The following ZFHX2 variants were observed in gnomAD, a reference collection of about 807,000 sequenced individuals.
ZFHX2 encodes the protein zinc finger homeobox protein 2.
ZFHX2 carries 75 observed loss-of-function variants against 164.8 expected under a neutral mutation model. The observed-to-expected ratio is 0.46, with a 90% CI of 0.38 to 0.55. The LOEUF (loss-of-function observed/expected upper bound fraction) is 0.55. Among genes scored for constraint, ZFHX2 ranks in the 20% least tolerant of loss-of-function variants. The pLI, the probability that ZFHX2 is intolerant of heterozygous loss-of-function variation, is 0.00. For missense variants in ZFHX2, 2,933 were observed against 3,308.0 expected, an observed-to-expected ratio of 0.89 and a Z score of 2.78; for synonymous variants, 1,217 against 1,351.4, an observed-to-expected ratio of 0.90 and a Z score of 2.18.
At chr14:23,547,054 T>C (rs374260939) in intron 1 of ZFHX2, among the ~76,000 whole-genome samples, 2 of 152,248 alleles carry the variant, frequency 1.3e-5, no homozygotes, top group Non-Finnish European at 2.9e-5. Context: ...ATAGCTTCTG[T>C]GTATTTAGAC....
intron 5 of ZFHX2, 150 bp downstream of exon 5, chr14:23,529,970 C>T (rs1457043992): frequency 1.2e-5 from 12 of 971,654 alleles, no homozygotes; most frequent in Admixed American, 2.1e-5. Context: ...CCTAGCCTCT[C>T]GTGGCTCAGC....
In ZFHX2 at chr14:23,521,930, G is replaced by A; in HGVS notation, c.*32C>T. On this transcript the variant is annotated 3_prime_UTR_variant, in exon 10 of 10. Coordinates refer to ENST00000419474, the MANE Select transcript of ZFHX2 (RefSeq NM_033400.3). ...TTGGGGTAAAAGAGGGAGCCCTGAG[G>A]CCCTCCCCTCTCCCCATCTTGGTTA... 6.5e-7 allele frequency: 1 copy of A among 1,535,234 alleles called. No homozygotes were observed.
intron 6 of ZFHX2, 81 bp from the exon 7 acceptor site, chr14:23,527,885 T>G: frequency 6.7e-5 from 61 of 908,714 alleles, no homozygotes; most frequent in Middle Eastern, 3.5e-4. Context: ...GATGCAGCAC[T>G]GGCCCGCCCC....
chr14:23,522,185 G>A lies in ZFHX2; in HGVS notation c.7496C>T (p.Ala2499Val). ...RVPICTYHCL[A>V]CEVLLSGREA... ...ACGCCCACTCAGCAGCACCTCACATGCCAGGCAGTGGTAGGTGCAGATGGG... is the reference window on the plus strand; with the variant it reads ...ACGCCCACTCAGCAGCACCTCACATACCAGGCAGTGGTAGGTGCAGATGGG... The change falls in exon 10 of 10, where the codon GCA becomes GTA. Residue 2499 changes from alanine to valine, a missense_variant. Transcript: ENST00000419474. 6.7e-7 allele frequency: 1 copy of A among 1,492,358 alleles called. No individual in the cohort carries two copies. The highest frequency in any genetic ancestry group is 8.9e-7 in the Non-Finnish European group (1 of 1,125,218). The allele number at this position is 1,492,358 out of a possible 1,614,324, so 92.4% of individuals were successfully genotyped here.
upstream of ZFHX2, among the ~76,000 whole-genome samples, chr14:23,553,524 G>A (rs994569926): frequency 2.8e-5 from 4 of 145,310 alleles, no homozygotes; most frequent in African/African-American, 1.1e-4. Flanking sequence ...GCTTGAACCC[G>A]GGGGGCAGAG....
At chr14:23,548,963 T>C (rs147722344) in intron 1 of ZFHX2, among the ~76,000 whole-genome samples, 2 of 152,328 alleles carry the variant, frequency 1.3e-5, no homozygotes, top group South Asian at 2.1e-4. Context: ...TACCAAGCTC[T>C]GTGCAGCTCT....
chr14:23,535,120 G>A lies in ZFHX2; in HGVS notation c.206C>T (p.Pro69Leu), dbSNP rs1480327039. 2.6e-6 allele frequency: 4 copies of A among 1,536,078 alleles called. No individual in the cohort carries two copies. The highest frequency in any genetic ancestry group is 2.6e-6 in the Non-Finnish European group (3 of 1,146,908). ...QLLESGCGLVPPKEIGEPQEG... is the reference protein window; with the variant it reads ...QLLESGCGLVLPKEIGEPQEG... Reference sequence around the variant, plus strand: ...CTGGGGCTCCCCAATCTCCTTTGGTGGGACGAGGCCACAGCCCGACTCCAG... The same window carrying A: ...CTGGGGCTCCCCAATCTCCTTTGGTAGGACGAGGCCACAGCCCGACTCCAG... The change falls in exon 2 of 10, where the codon CCA (proline) becomes CTA (leucine). Residue 69 changes from proline to leucine, a missense_variant. Transcript: ENST00000419474. This position sits in a 1 kb window ranked among gnomAD's most constrained non-coding sequence, Gnocchi z 4.5.
rs1397921748 is a variant in ZFHX2 at position 23,523,611 on chromosome 14, C to T, written c.6331G>A (p.Val2111Ile). The T allele has an allele frequency of 3.2e-6, 5 of 1,557,238 alleles. No individual in the cohort carries two copies. The highest frequency in any genetic ancestry group is 1.2e-5 in the South Asian group (1 of 86,014). ...EIGLPKRVIQ[V>I]WFQNARAKEK... ...TTGGCACGAGCATTCTGGAACCAGA[C>T]CTGGATGACTCTCTTGGGCAGCCCA... The change falls in exon 9 of 10, where the codon GTC becomes ATC. Residue 2111 changes from valine (V) to isoleucine (I), a missense_variant. By Grantham distance (29) the Val-to-Ile change is conservative. Transcript: ENST00000419474. This position sits in a 1 kb window ranked among gnomAD's most constrained non-coding sequence, Gnocchi z 4.1.
Position 23,526,857 on chromosome 14 carries a change from G to A in ZFHX2, c.3252C>T (p.Asp1084=), listed in dbSNP as rs1367691409. 7.2e-6 allele frequency: 11 copies of A among 1,530,340 alleles called. No individual in the cohort carries two copies. The highest frequency in any genetic ancestry group is 9.6e-6 in the Non-Finnish European group (11 of 1,144,344). 94.8% of individuals were successfully genotyped at this position (1,530,340 alleles called of 1,614,324 possible). ...THGPEPTPSR[D]QAAEGPNLTP... ...TGTTCCATTCCTTACCTGCTGCCTG[G>A]TCTCTGCTCGGTGTAGGCTCTGGCC... The change falls in exon 8 of 10, where the codon GAC becomes GAT. Residue 1084 remains aspartate (D), a synonymous_variant. Coordinates refer to ENST00000419474, the MANE Select transcript of ZFHX2 (RefSeq NM_033400.3).
chr14:23,531,272 G>T, intron 4 of ZFHX2: 1 of 612,678 alleles, frequency 1.6e-6, no homozygotes, highest in Non-Finnish European at 2.4e-6. Flanking sequence ...CAAAGCCCCT[G>T]CCCTTCTTTG....
intron 6 of ZFHX2, chr14:23,528,611 C>A: frequency 1.0e-6 from 1 of 985,438 alleles, no homozygotes; most frequent in Non-Finnish European, 1.2e-6. Context: ...TGAACCATCA[C>A]CTGGAAAGGG....
At chr14:23,549,940 G>A (rs1370615033) in intron 1 of ZFHX2, among the ~76,000 whole-genome samples, 1 of 152,214 alleles carries the variant, frequency 6.6e-6, no homozygotes, top group Non-Finnish European at 1.5e-5. Context: ...GAAAAGGTAG[G>A]AAGAGGGCAG....
rs749653921 is a variant in ZFHX2, at chr14:23,526,184, C to G, written c.3758G>C (p.Cys1253Ser). ...GGAGCTCTGGTTGTAGGAGACTCTG[C>G]AGACTGTGCACTTAAAGGGCTTGTC... The part of the protein sequence containing the change: ...ATDKPFKCTV[C>S]RVSYNQSSTL... The change falls in exon 9 of 10, where the codon TGC becomes TCC. Residue 1253 changes from cysteine to serine, a missense_variant. Cys to Ser is a moderately radical substitution (Grantham distance 112). Coordinates refer to ENST00000419474, the MANE Select transcript of ZFHX2 (RefSeq NM_033400.3). 4.6e-6 allele frequency: 7 copies of G among 1,536,410 alleles called. No homozygotes were observed. The highest frequency in any genetic ancestry group is 6.1e-6 in the Non-Finnish European group (7 of 1,146,942).
intron 4 of ZFHX2, chr14:23,530,455 A>G (rs1176521372): frequency 1.5e-6 from 1 of 651,236 alleles, no homozygotes; most frequent in Non-Finnish European, 2.8e-6. Flanking sequence ...GAAGTCCAGC[A>G]GTAGACAGCA....
At chr14:23,527,903 T>A in intron 6 of ZFHX2, 99 bp from the exon 7 acceptor site, 12 of 218,750 alleles carry the variant, frequency 5.5e-5, no homozygotes, top group Non-Finnish European at 8.3e-5. Context: ...CCCCACTCCT[T>A]TTTTTTTTTT....
intron 1 of ZFHX2, among the ~76,000 whole-genome samples, chr14:23,547,380 T>C (rs1294361320): frequency 2.6e-5 from 4 of 152,260 alleles, no homozygotes; most frequent in African/African-American, 4.8e-5. Context: ...ACCAATTCAA[T>C]TGTAGTTTCA....
intron 1 of ZFHX2, among the ~76,000 whole-genome samples, chr14:23,549,454 C>T (rs79776672): frequency 6.6e-6 from 1 of 152,272 alleles, no homozygotes; most frequent in African/African-American, 2.4e-5. Context: ...CTCTCCAGAT[C>T]CTTTATCCAC....
At position 23,522,119 on chromosome 14, in the gene ZFHX2, C is replaced by A. The variant is rs1326611029; in HGVS notation, c.7562G>T (p.Arg2521Leu). 6.5e-7 allele frequency: 1 copy of A among 1,532,088 alleles called. No homozygotes were observed. The highest frequency in any genetic ancestry group is 1.2e-5 in the South Asian group (1 of 83,424). 94.9% of individuals were successfully genotyped at this position (1,532,088 alleles called of 1,614,324 possible). A position where few individuals can be genotyped will look rare whatever the true frequency, so the allele number is the denominator to read the frequency against. ...ASHLRSSAHR[R>L]KAAPPQGGPP... is the part of the protein sequence containing the mutation. ...GCCCCCTTGAGGTGGGGCTGCCTTG[C>A]GCCTGTGGGCCGAGGAGCGCAGGTG... The change falls in exon 10 of 10, where the codon CGC becomes CTC. Residue 2521 changes from arginine (R) to leucine (L), a missense_variant. Physicochemically the swap from Arg to Leu is moderately radical, Grantham distance 102. Coordinates refer to ENST00000419474, the MANE Select transcript of ZFHX2 (RefSeq NM_033400.3).
chr14:23,541,773 T>G (rs1258441264), intron 1 of ZFHX2, among the ~76,000 whole-genome samples: 1 of 152,204 alleles, frequency 6.6e-6, no homozygotes, highest in Non-Finnish European at 1.5e-5. Context: ...CTTTTTTTCT[T>G]TTTTCCAAAG....
Sources: gnomAD v4.1 joint callset for allele counts (sites outside exome capture counted in the v4.1 genomes callset) on GRCh38, gnomAD v4.1.1 for gene constraint, Gnocchi (gnomAD v3.1) non-coding constraint, MANE v1.5 for transcripts, NCBI Gene and HGNC (gene_info 2026-07-23, HGNC 2026-07-21) for gene names.